Variants in PRKG1 observed in about 807,000 individuals in gnomAD.
The protein encoded by PRKG1 is protein kinase cGMP-dependent 1, also known as cGMP-dependent protein kinase 1.
In PRKG1, 35 loss-of-function variants were observed where a neutral mutation model predicts 88.1. The ratio of observed to expected loss-of-function variants is 0.40; its 90% confidence interval spans 0.30 to 0.53. The LOEUF is 0.53. Among genes scored for constraint, PRKG1 ranks in the 20% least tolerant of loss-of-function variants. The pLI is 0.59. For synonymous variants in PRKG1, 303 were observed against 292.5 expected, an observed-to-expected ratio of 1.04 and a Z score of -0.37; for missense variants, 540 against 839.8, an observed-to-expected ratio of 0.64 and a Z score of 4.41.
intron 3 of PRKG1, among the ~76,000 whole-genome samples, chr10:51,746,284 G>A (rs779495544): frequency 8.1e-5 from 12 of 147,830 alleles, no homozygotes; most frequent in Non-Finnish European, 1.5e-4. Context: ...CAATTTGGTC[G>A]TCAAATTAGT....
intron 2 of PRKG1, among the ~76,000 whole-genome samples, chr10:51,214,026 G>A (rs958158098): frequency 6.6e-6 from 1 of 152,136 alleles, no homozygotes; most frequent in African/African-American, 2.4e-5. Context: ...TTTCCAAAGT[G>A]TAATATTATA....
chr10:52,217,008 T>C (rs943404979), intron 9 of PRKG1, among the ~76,000 whole-genome samples: 1 of 152,156 alleles, frequency 6.6e-6, no homozygotes, highest in African/African-American at 2.4e-5. Context: ...TTGCATTCTA[T>C]GTGCCATTCC....
chr10:51,012,160 G>A (rs1474976963), intron 1 of PRKG1, among the ~76,000 whole-genome samples: 1 of 152,182 alleles, frequency 6.6e-6, no homozygotes, highest in African/African-American at 2.4e-5. Context: ...CATGGGTTCT[G>A]CATGGTTTCA....
upstream of PRKG1, among the ~76,000 whole-genome samples, chr10:51,074,005 T>C (rs10995555): frequency 0.9 from 136,326 of 151,382 alleles, 61,540 homozygotes; most frequent in African/African-American, 0.97. Context: ...GGATCGTAGC[T>C]CAACATTCTC....
chr10:51,850,499 A>ATATATGTGTATATGTATATG (rs1554848483), intron 4 of PRKG1, among the ~76,000 whole-genome samples: 1 of 151,382 alleles, frequency 6.6e-6, no homozygotes, highest in Admixed American at 6.6e-5. Context: ...TTATATATAT[A>ATATATGTGTATATGTATATG]TATATGTATA....
chr10:51,395,775 G>A (rs1837560507), intron 2 of PRKG1, among the ~76,000 whole-genome samples: 1 of 152,128 alleles, frequency 6.6e-6, no homozygotes, highest in Non-Finnish European at 1.5e-5. Context: ...GTGAGTGAAG[G>A]TATTGACCAT....
chr10:51,820,491 C>G (rs190332076), intron 4 of PRKG1, among the ~76,000 whole-genome samples: 101 of 152,284 alleles, frequency 6.6e-4, no homozygotes, highest in African/African-American at 2.4e-3. Flanking sequence ...CCCAAAATGT[C>G]CAACCTACAG....
At chr10:51,829,001 G>A (rs1839941951) in intron 4 of PRKG1, among the ~76,000 whole-genome samples, 1 of 152,114 alleles carries the variant, frequency 6.6e-6, no homozygotes, top group Middle Eastern at 3.2e-3. Flanking sequence ...AGCTTAACTG[G>A]ATGCCTCTGA....
At chr10:51,209,595 A>G (rs867248259) in intron 2 of PRKG1, among the ~76,000 whole-genome samples, 1 of 152,206 alleles carries the variant, frequency 6.6e-6, no homozygotes, top group South Asian at 2.1e-4. Flanking sequence ...TTGAAAAAGT[A>G]ACATGGGTTT....
At chr10:51,340,164 C>A (rs1841973587) in intron 2 of PRKG1, among the ~76,000 whole-genome samples, 1 of 152,036 alleles carries the variant, frequency 6.6e-6, no homozygotes, top group South Asian at 2.1e-4. Context: ...TAGCATTAGC[C>A]TTCATTTCAT....
intron 10 of PRKG1, among the ~76,000 whole-genome samples, chr10:52,261,120 T>C (rs1484307536): frequency 6.6e-6 from 1 of 151,800 alleles, no homozygotes. Context: ...GAAAGTTAAA[T>C]GTCTCTAAAA....
chr10:51,840,205 G>C (rs1177310725), intron 4 of PRKG1, among the ~76,000 whole-genome samples: 1 of 152,174 alleles, frequency 6.6e-6, no homozygotes, highest in African/African-American at 2.4e-5. Context: ...CACTGCAACA[G>C]AGACCACAGG....
At chr10:51,607,741 G>C (rs1838804857) in intron 3 of PRKG1, among the ~76,000 whole-genome samples, 1 of 152,174 alleles carries the variant, frequency 6.6e-6, no homozygotes, top group Admixed American at 6.5e-5. Context: ...ATTTTGCCTT[G>C]ATGGCGGTAC....
chr10:51,266,663 C>T lies in PRKG1; in HGVS notation c.478+113333C>T, dbSNP rs142766714. Among the ~76,000 whole-genome samples the T allele has an allele frequency of 2.9e-3, 449 of 152,232 alleles. 2 individuals carry two copies. The Middle Eastern group carries it at 0.034, about 12-fold the overall frequency. ...CATTAAACAGTAATCAGTTAAAGTA[C>T]GGGCTGTTTTTTATTAAAACAGAAT... On this transcript the variant is annotated intron_variant, in intron 2 of 17. Coordinates refer to ENST00000373980, the MANE Select transcript of PRKG1 (RefSeq NM_006258.4).
chr10:51,608,507 G>A lies in PRKG1; in HGVS notation c.592+140671G>A, dbSNP rs573003586. On this transcript the variant is annotated intron_variant, in intron 3 of 17. Coordinates refer to ENST00000373980, the MANE Select transcript of PRKG1 (RefSeq NM_006258.4). ...TGTCAGCTGTTCTGCTGGAATTCAC[G>A]ATCTGCTTAAATGATTTTTAAACAA... Among the ~76,000 whole-genome samples, 9 of 152,260 alleles carry A rather than the reference G, an allele frequency of 5.9e-5. No individual in the cohort carries two copies. The South Asian group carries it at 8.3e-4, about 14-fold the overall frequency.
At chr10:52,143,213 C>T (rs1268040931) in intron 8 of PRKG1, among the ~76,000 whole-genome samples, 2 of 152,112 alleles carry the variant, frequency 1.3e-5, no homozygotes, top group East Asian at 3.9e-4. Context: ...CTTCTTGCCA[C>T]CCCCCAGCCT....
intron 3 of PRKG1, among the ~76,000 whole-genome samples, chr10:51,619,842 A>C (rs888803542): frequency 1.3e-5 from 2 of 152,164 alleles, no homozygotes; most frequent in African/African-American, 4.8e-5. Context: ...TTCCAAGGAA[A>C]GGGAAGAGAA....
chr10:51,620,333 A>C (rs1396581872), intron 3 of PRKG1, among the ~76,000 whole-genome samples: 1 of 152,104 alleles, frequency 6.6e-6, no homozygotes, highest in Non-Finnish European at 1.5e-5. Flanking sequence ...AAAATAAATT[A>C]TTTATAAGTT....
Position 51,742,022 on chromosome 10 carries a change from G to A in PRKG1, c.593-62563G>A, listed in dbSNP as rs114115187. 2.6e-3 allele frequency among the ~76,000 whole-genome samples: 397 copies of A among 152,202 alleles called. 2 individuals are homozygous for A. Among genetic ancestry groups the A allele is most frequent in the African/African-American group, 8.8e-3 (367 of 41,514 alleles). ...AGTAAACACATAGGTAGAAGTTTTC[G>A]CTTCTGTCTTACACATCCATCCAAA... On this transcript the variant is annotated intron_variant, in intron 3 of 17. Transcript: ENST00000373980.
Sources: gnomAD v4.1 joint callset for allele counts (sites outside exome capture counted in the v4.1 genomes callset) on GRCh38, gnomAD v4.1.1 for gene constraint, MANE v1.5 for transcripts, NCBI Gene and HGNC (gene_info 2026-07-23, HGNC 2026-07-21) for gene names.